Variants in PALM observed in about 807,000 individuals in gnomAD.
The protein encoded by PALM is paralemmin.
A neutral mutation model predicts 30.7 loss-of-function variants in PALM; 18 were observed. The observed-to-expected ratio is 0.59, with a 90% CI of 0.41 to 0.87. The LOEUF (loss-of-function observed/expected upper bound fraction) is 0.87. PALM is among the 40% of genes least tolerant of loss of function. The probability of loss-of-function intolerance (pLI) is 0.00; values close to 1 mark genes in which losing one functional copy is unlikely to be tolerated. For missense variants in PALM, 529 were observed against 555.4 expected (o/e 0.95, Z 0.48); for synonymous variants, 286 against 242.8 (o/e 1.18, Z -1.66).
chr19:727,376 T>TCTGACCCAGACC, intron 3 of PALM, among the ~76,000 whole-genome samples, 188 bp from the exon 4 acceptor site: 1 of 146,756 alleles, frequency 6.8e-6, no homozygotes, highest in African/African-American at 2.6e-5. Flanking sequence ...TGACCTTGAC[T>TCTGACCCAGACC]CTGACCCAGA....
chr19:711,839 C>T (rs78098786), intron 1 of PALM, among the ~76,000 whole-genome samples: 259 of 152,096 alleles, frequency 1.7e-3, no homozygotes, highest in African/African-American at 6.0e-3. Flanking sequence ...AGGCCAGTCT[C>T]GAACTCCTGG....
At chr19:719,512 G>A (rs558425856) in intron 1 of PALM, 7 of 985,412 alleles carry the variant, frequency 7.1e-6, no homozygotes, top group African/African-American at 7.0e-5. Context: ...GCTCTGCGCG[G>A]CTGCCGGGAG....
rs146089728 is a variant in PALM at position 740,661 on chromosome 19, C to G, written c.634+178C>G. 2.7e-3 allele frequency among the ~76,000 whole-genome samples: 415 copies of G among 152,344 alleles called. No individual in the cohort carries two copies. The highest frequency in any genetic ancestry group is 4.2e-3 in the Non-Finnish European group (288 of 68,022). Reference sequence around the variant, plus strand: ...GTGGCCCACAGCTGGGCTCAGAGGTCGTTCAGCCCTGGGCTCACTGCCCAA... The same window carrying G: ...GTGGCCCACAGCTGGGCTCAGAGGTGGTTCAGCCCTGGGCTCACTGCCCAA... On this transcript the variant is annotated intron_variant, in intron 8 of 8. Coordinates refer to ENST00000338448, the MANE Select transcript of PALM (RefSeq NM_002579.3).
intron 8 of PALM, among the ~76,000 whole-genome samples, chr19:743,950 C>T (rs1383906554): frequency 6.6e-6 from 1 of 152,186 alleles, no homozygotes; most frequent in East Asian, 1.9e-4. Context: ...ACCACCGTGG[C>T]CCAGGCTGCC....
chr19:723,514 T>G (rs1439721367), intron 1 of PALM, among the ~76,000 whole-genome samples: 2 of 152,138 alleles, frequency 1.3e-5, no homozygotes, highest in African/African-American at 2.4e-5. Flanking sequence ...CTTGGAAGCC[T>G]GAGGGTCGCT....
chr19:737,929 C>A (rs939749295), intron 7 of PALM, among the ~76,000 whole-genome samples: 3 of 152,150 alleles, frequency 2.0e-5, no homozygotes, highest in African/African-American at 4.8e-5. Context: ...ACTCCGTGCT[C>A]ACCCACGCCC....
At chr19:734,307 C>T in intron 6 of PALM, 113 bp downstream of exon 6, 1 of 1,022,908 alleles carries the variant, frequency 9.8e-7, no homozygotes, top group Non-Finnish European at 1.5e-6. Flanking sequence ...CGCCTGTGAT[C>T]CCAGCACTTT....
intron 1 of PALM, among the ~76,000 whole-genome samples, chr19:710,313 A>C (rs979117105): frequency 6.6e-6 from 1 of 152,130 alleles, no homozygotes; most frequent in African/African-American, 2.4e-5. Context: ...TCTGCTTTTG[A>C]AAACCCAGAC....
intron 1 of PALM, chr19:719,155 C>A (rs918887195): frequency 2.2e-5 from 22 of 985,432 alleles, no homozygotes; most frequent in Non-Finnish European, 2.7e-5. Flanking sequence ...GCTGGAGCTG[C>A]CCGGGCGTGG....
chr19:746,996 G>T lies in PALM; in HGVS notation c.*182G>T. The T allele has an allele frequency of 3.4e-5, 20 of 593,686 alleles. No homozygotes were observed. In the South Asian group the frequency reaches 3.8e-4, roughly 11 times the overall value. The allele number at this position is 593,686 out of a possible 1,614,324, so 36.8% of individuals were successfully genotyped here. A position where few individuals can be genotyped will look rare whatever the true frequency, so the allele number is the denominator to read the frequency against. ...GACAGGGGCCCCCACCCGTCACCAC[G>T]CCCCAACACTCCCCCCGAACCAGAG... is the stretch of plus-strand genomic sequence containing the variant. On this transcript the variant is annotated 3_prime_UTR_variant, in exon 9 of 9. Coordinates refer to ENST00000338448, the MANE Select transcript of PALM (RefSeq NM_002579.3). This position sits in a 1 kb window ranked among gnomAD's most constrained non-coding sequence, Gnocchi z 7.1.
In PALM at chr19:731,265, G is replaced by A. The variant is rs766400135; in HGVS notation, c.420+20G>A. ...CAGCAGGTAAGGGGGTGACTGGGGGGAGCGGATCCCCAGGCACCCACTCCC... is the reference window on the plus strand; with the variant it reads ...CAGCAGGTAAGGGGGTGACTGGGGGAAGCGGATCCCCAGGCACCCACTCCC... On this transcript the variant is annotated intron_variant, in intron 5 of 8. Transcript: ENST00000338448. 2.7e-5 allele frequency: 42 copies of A among 1,584,832 alleles called. 2 individuals are homozygous for A. In the South Asian group the frequency reaches 3.9e-4, roughly 15 times the overall value.
In PALM at chr19:746,223, G is replaced by C; in HGVS notation, c.635-62G>C. On this transcript the variant is annotated intron_variant, in intron 8 of 8. Coordinates refer to ENST00000338448, the MANE Select transcript of PALM (RefSeq NM_002579.3). This position sits in a 1 kb window ranked among gnomAD's most constrained non-coding sequence, Gnocchi z 7.1. ...CAAGGTTTCCCTCCTGCCTGAGCCA[G>C]GTCACTCTCTCTGTCCCTCCTGCCT... The C allele has an allele frequency of 7.2e-7, 1 of 1,384,240 alleles. No individual in the cohort carries two copies. The allele number at this position is 1,384,240 out of a possible 1,614,324, so 85.7% of individuals were successfully genotyped here.
In PALM at chr19:731,374, C is replaced by G. The variant is rs534162988; in HGVS notation, c.420+129C>G. The G allele has an allele frequency of 5.6e-5, 51 of 911,848 alleles. 1 individual carries two copies. The South Asian group carries it at 8.3e-4, about 15-fold the overall frequency. 56.5% of individuals were successfully genotyped at this position (911,848 alleles called of 1,614,324 possible). On this transcript the variant is annotated intron_variant, in intron 5 of 8. Coordinates refer to ENST00000338448, the MANE Select transcript of PALM (RefSeq NM_002579.3). ...CAGACTAGAGCCAGGCACTTGATTT[C>G]CAGCTCACCGGAGCCACTTCCCAGC...
chr19:740,551 G>A lies in PALM; in HGVS notation c.634+68G>A, dbSNP rs951200787. ...AGCCCCGAACACGTGTGCTCCCAGC[G>A]TGTGGGTCTGGCGTCTGCCCCGGAA... On this transcript the variant is annotated intron_variant, in intron 8 of 8. Transcript: ENST00000338448. The A allele has an allele frequency of 3.4e-5, 49 of 1,437,570 alleles. No individual in the cohort carries two copies. The African/African-American group carries it at 4.1e-4, about 12-fold the overall frequency. The allele number at this position is 1,437,570 out of a possible 1,614,324, so 89.1% of individuals were successfully genotyped here. A position where few individuals can be genotyped will look rare whatever the true frequency, so the allele number is the denominator to read the frequency against.
chr19:738,801 T>TA (rs1211674961), intron 7 of PALM, among the ~76,000 whole-genome samples: 3 of 152,048 alleles, frequency 2.0e-5, no homozygotes, highest in Admixed American at 1.3e-4. Context: ...ACGAGGTGGC[T>TA]ATGGGGGCCG....
At chr19:722,248 C>T (rs765073302) in intron 1 of PALM, among the ~76,000 whole-genome samples, 1 of 152,168 alleles carries the variant, frequency 6.6e-6, no homozygotes, top group South Asian at 2.1e-4. Context: ...CAAAGTCTTG[C>T]TCTGTCACCT....
chr19:728,111 G>C (rs1055208887), intron 4 of PALM, among the ~76,000 whole-genome samples: 2 of 152,176 alleles, frequency 1.3e-5, no homozygotes. Flanking sequence ...CCCAGCTGGC[G>C]GGCAAGCGCT....
chr19:710,050 T>A (rs8109226), intron 1 of PALM, among the ~76,000 whole-genome samples: 1 of 151,838 alleles, frequency 6.6e-6, no homozygotes, highest in African/African-American at 2.4e-5. Flanking sequence ...GTCAGGAGGC[T>A]CCTCCTGGGG....
chr19:735,910 A>G, intron 6 of PALM, 109 bp from the exon 7 acceptor site: 1 of 869,014 alleles, frequency 1.2e-6, no homozygotes, highest in South Asian at 1.6e-5. Context: ...GCCCAGGTGC[A>G]TGTGGGAGTC....
Sources: allele counts gnomAD v4.1 joint callset (sites outside exome capture counted in the v4.1 genomes callset), GRCh38; gene constraint gnomAD v4.1.1; non-coding constraint Gnocchi (gnomAD v3.1); transcripts MANE v1.5; gene names NCBI Gene and HGNC (gene_info 2026-07-23, HGNC 2026-07-21).